TRAPPC9: variants seen among roughly 807,000 people sequenced by gnomAD.
The protein encoded by TRAPPC9 is IKK2 binding protein.
TRAPPC9 carries 83 observed loss-of-function variants against 124.0 expected under a neutral mutation model. That is an observed-to-expected ratio of 0.67 (90% CI 0.56 to 0.80). The LOEUF is 0.80. Ranked by LOEUF, TRAPPC9 falls within the 30% of genes least tolerant of loss-of-function variation. The pLI is 0.00. For missense variants in TRAPPC9, 1,302 were observed against 1,508.3 expected (o/e 0.86, Z 2.27); for synonymous variants, 638 against 617.5 (o/e 1.03, Z -0.49).
intron 19 of TRAPPC9, among the ~76,000 whole-genome samples, chr8:139,971,790 C>T (rs1587376508): frequency 4.4e-5 from 1 of 22,578 alleles, no homozygotes; most frequent in South Asian, 2.1e-3. Context: ...CACATATATA[C>T]ACATATATAT....
intron 17 of TRAPPC9, among the ~76,000 whole-genome samples, chr8:140,076,494 G>C (rs2129921381): frequency 6.6e-6 from 1 of 152,358 alleles, no homozygotes. Flanking sequence ...TGAGGTCAAA[G>C]GAAGAGTGCA....
At chr8:139,890,042 C>G (rs1388764478) in intron 20 of TRAPPC9, among the ~76,000 whole-genome samples, 3 of 152,256 alleles carry the variant, frequency 2.0e-5, no homozygotes, top group Non-Finnish European at 2.9e-5. Context: ...AGGACGGAGG[C>G]CGCCGCCCCG....
chr8:140,221,452 A>C lies in TRAPPC9; in HGVS notation c.2556+7T>G, dbSNP rs185632960. ...CGTGGCAGATGCCGTCTGCCATACC[A>C]ACTCACCTTCACGTGGCTGTAGTCG... is the stretch of plus-strand genomic sequence containing the variant. On this transcript the variant is annotated splice_region_variant and intron_variant, in intron 17 of 22. Transcript: ENST00000438773. 1.7e-5 allele frequency: 28 copies of C among 1,613,822 alleles called. No individual in the cohort carries two copies. In the African/African-American group the frequency reaches 3.3e-4, roughly 19 times the overall value.
At chr8:139,808,262 C>T (rs565343777) in intron 21 of TRAPPC9, among the ~76,000 whole-genome samples, 1 of 152,248 alleles carries the variant, frequency 6.6e-6, no homozygotes, top group African/African-American at 2.4e-5. Context: ...AGTTCGAGAC[C>T]AGCCTGACCA....
intron 9 of TRAPPC9, among the ~76,000 whole-genome samples, chr8:140,325,949 T>C (rs1159403955): frequency 6.6e-6 from 1 of 152,094 alleles, no homozygotes; most frequent in Non-Finnish European, 1.5e-5. Context: ...CAAAGCACTA[T>C]ACAATAAGAG....
intron 17 of TRAPPC9, among the ~76,000 whole-genome samples, chr8:140,052,118 G>A (rs1842037117): frequency 6.6e-6 from 1 of 151,856 alleles, no homozygotes; most frequent in African/African-American, 2.4e-5. Context: ...AGAGGGGTGC[G>A]GCCTTCTGCA....
At chr8:140,430,714 CT>C (rs1233971362) in intron 4 of TRAPPC9, among the ~76,000 whole-genome samples, 1 of 152,222 alleles carries the variant, frequency 6.6e-6, no homozygotes, top group African/African-American at 2.4e-5. Flanking sequence ...TCTCAGCTCA[CT>C]GCAACCTCTG....
intron 21 of TRAPPC9, among the ~76,000 whole-genome samples, chr8:139,863,851 G>A (rs780810473): frequency 1.3e-5 from 2 of 152,198 alleles, no homozygotes; most frequent in Non-Finnish European, 2.9e-5. Flanking sequence ...GATATGGAGC[G>A]GGCAAGGAGC....
intron 17 of TRAPPC9, among the ~76,000 whole-genome samples, chr8:140,146,373 C>G (rs897780597): frequency 6.6e-6 from 1 of 152,256 alleles, no homozygotes; most frequent in Non-Finnish European, 1.5e-5. Flanking sequence ...CACCTATCTG[C>G]CCACTCAGAA....
intron 13 of TRAPPC9, among the ~76,000 whole-genome samples, chr8:140,287,093 G>A (rs1027114711): frequency 5.9e-5 from 9 of 152,174 alleles, no homozygotes; most frequent in African/African-American, 1.9e-4. Context: ...AGCCAGAGGA[G>A]AGGGCATGCC....
rs527451367 is a variant in TRAPPC9, at chr8:140,216,248, C to T, written c.2556+5211G>A. 9.2e-5 allele frequency among the ~76,000 whole-genome samples: 14 copies of T among 152,278 alleles called. No homozygotes were observed. In the South Asian group the frequency reaches 1.2e-3, roughly 14 times the overall value. ...TGATATGCAAGAGTTCCTCGGTAAA[C>T]GGTAATGATATTTTAATCATTACAT... On this transcript the variant is annotated intron_variant, in intron 17 of 22. Coordinates refer to ENST00000438773, the MANE Select transcript of TRAPPC9 (RefSeq NM_001160372.4). This position sits in a 1 kb window ranked among gnomAD's most constrained non-coding sequence, Gnocchi z 4.1.
At chr8:140,256,053 C>T (rs2064247918) in intron 15 of TRAPPC9, among the ~76,000 whole-genome samples, 1 of 152,188 alleles carries the variant, frequency 6.6e-6, no homozygotes, top group Non-Finnish European at 1.5e-5. Context: ...ATTATAGCCA[C>T]TCTAATTACA....
At chr8:140,307,870 G>T (rs939665645) in intron 10 of TRAPPC9, among the ~76,000 whole-genome samples, 1 of 152,110 alleles carries the variant, frequency 6.6e-6, no homozygotes, top group Non-Finnish European at 1.5e-5. Flanking sequence ...GTAATCTTGA[G>T]GTAAAGACAG....
At chr8:140,239,675 G>A (rs545081053) in intron 16 of TRAPPC9, among the ~76,000 whole-genome samples, 39 of 152,222 alleles carry the variant, frequency 2.6e-4, no homozygotes, top group Non-Finnish European at 4.7e-4. Flanking sequence ...CAGGTCCTCT[G>A]CTCTCGCCAG....
At chr8:140,072,275 C>T (rs1587644436) in intron 17 of TRAPPC9, among the ~76,000 whole-genome samples, 1 of 152,036 alleles carries the variant, frequency 6.6e-6, no homozygotes, top group African/African-American at 2.4e-5. Context: ...TGGCTCATGC[C>T]GTAATCCTAG....
Position 140,451,361 on chromosome 8 carries a change from C to A in TRAPPC9, c.13G>T (p.Asp5Tyr), listed in dbSNP as rs1237357406. The change falls in exon 2 of 23, where the codon GAC becomes TAC. Residue 5 changes from aspartate (D) to tyrosine (Y), a missense_variant. Asp to Tyr is a radical substitution (Grantham distance 160, BLOSUM62 -3). This residue lies in a region of TRAPPC9 where 657 missense variants were observed against 811.2 expected (regional missense o/e 0.81). Transcript: ENST00000438773. ...TGGTCCTCAGCACACTGCATGTAGT[C>A]AGGGACGCTCATTTTGAAGTCCCTG... The part of the protein sequence containing the change: MSVP[D>Y]YMQCAEDHQT... 1.2e-6 allele frequency: 2 copies of A among 1,603,146 alleles called. No individual in the cohort carries two copies. The highest frequency in any genetic ancestry group is 1.3e-5 in the African/African-American group (1 of 74,926).
At chr8:140,196,963 G>A (rs920933119) in intron 17 of TRAPPC9, among the ~76,000 whole-genome samples, 1 of 142,498 alleles carries the variant, frequency 7.0e-6, no homozygotes, top group Admixed American at 7.3e-5. Context: ...AACTCCTTTT[G>A]AGAAAATGTC....
At chr8:140,211,540 C>G (rs2063061579) in intron 17 of TRAPPC9, among the ~76,000 whole-genome samples, 1 of 152,164 alleles carries the variant, frequency 6.6e-6, no homozygotes, top group Admixed American at 6.5e-5. Flanking sequence ...GCCTGAGCAA[C>G]AGAGCACAAC....
At chr8:139,979,338 TCCCACTCACCCG>T (rs1212810447) in intron 19 of TRAPPC9, among the ~76,000 whole-genome samples, 1 of 152,020 alleles carries the variant, frequency 6.6e-6, no homozygotes, top group Non-Finnish European at 1.5e-5. Context: ...CCACGGAGCT[TCCCACTCACCCG>T]CCCACTCGCA....
Sources: allele counts gnomAD v4.1 joint callset (sites outside exome capture counted in the v4.1 genomes callset), GRCh38; gene constraint gnomAD v4.1.1; regional missense constraint gnomAD v4.1.1; non-coding constraint Gnocchi (gnomAD v3.1); transcripts MANE v1.5; gene names NCBI Gene and HGNC (gene_info 2026-07-23, HGNC 2026-07-21).